The following DPP10 variants were observed in gnomAD, a reference collection of about 807,000 sequenced individuals.
DPP10 encodes the protein dipeptidyl peptidase like 10.
Under a neutral mutation model 120.9 loss-of-function variants are expected in DPP10, and 33 were observed. That is an observed-to-expected ratio of 0.27 (90% CI 0.21 to 0.37). DPP10 has a LOEUF of 0.37. Among genes scored for constraint, DPP10 ranks in the 10% least tolerant of loss-of-function variants. DPP10 has a pLI of 1.00. For synonymous variants in DPP10, 337 were observed against 326.1 expected (o/e 1.03, Z -0.36); for missense variants, 816 against 942.8 (o/e 0.87, Z 1.76).
chr2:115,637,654 C>A (rs991980168), intron 5 of DPP10, among the ~76,000 whole-genome samples: 6 of 152,076 alleles, frequency 3.9e-5, no homozygotes, highest in Non-Finnish European at 5.9e-5. Context: ...AATACTAAAA[C>A]TCTTATTGAA....
intron 1 of DPP10, among the ~76,000 whole-genome samples, chr2:114,654,510 G>A (rs1042285245): frequency 2.0e-5 from 3 of 152,118 alleles, no homozygotes; most frequent in Non-Finnish European, 4.4e-5. Context: ...CAGAAATTCA[G>A]CAATCCCCAA....
intron 1 of DPP10, among the ~76,000 whole-genome samples, chr2:114,720,569 A>G (rs905725205): frequency 6.6e-6 from 1 of 152,226 alleles, no homozygotes; most frequent in Non-Finnish European, 1.5e-5. Context: ...GAAATGCTCA[A>G]TTTGTCTTCT....
At chr2:115,027,645 T>A (rs900019730) in intron 1 of DPP10, among the ~76,000 whole-genome samples, 1 of 152,152 alleles carries the variant, frequency 6.6e-6, no homozygotes, top group Admixed American at 6.6e-5. Context: ...CCTGGCCTTA[T>A]AAAATAAGTT....
At position 114,926,841 on chromosome 2, in the gene DPP10, G is replaced by T. The variant is rs559834399; in HGVS notation, c.61-382398G>T. On this transcript the variant is annotated intron_variant, in intron 1 of 25. Coordinates refer to ENST00000410059, the MANE Select transcript of DPP10 (RefSeq NM_020868.6). ...AATGATTTCCCTTTTGAGCTTGGGG[G>T]AAGATACAATTTTTTTTTTTTTTTT... is the stretch of plus-strand genomic sequence containing the variant. Among the ~76,000 whole-genome samples the T allele has an allele frequency of 7.8e-5, 11 of 140,152 alleles. 1 individual carries two copies. In the South Asian group the frequency reaches 2.4e-3, roughly 30 times the overall value. The allele number at this position is 140,152 out of a possible 152,430, so 91.9% of individuals were successfully genotyped here.
intron 3 of DPP10, among the ~76,000 whole-genome samples, chr2:115,378,248 C>A (rs1011409529): frequency 6.6e-6 from 1 of 151,770 alleles, no homozygotes; most frequent in African/African-American, 2.4e-5. Flanking sequence ...GTTTGTAGTT[C>A]TCCTTGAAGA....
chr2:114,543,592 G>C (rs1430520985), intron 1 of DPP10, among the ~76,000 whole-genome samples: 2 of 152,110 alleles, frequency 1.3e-5, no homozygotes, highest in Non-Finnish European at 2.9e-5. Flanking sequence ...TGGGCTGTGG[G>C]AGCAGGAAGC....
At chr2:115,824,136 G>GAT (rs1449355528) in intron 21 of DPP10, among the ~76,000 whole-genome samples, 2 of 151,774 alleles carry the variant, frequency 1.3e-5, no homozygotes, top group Non-Finnish European at 2.9e-5. Flanking sequence ...ACATCATACT[G>GAT]ATATATATAC....
intron 1 of DPP10, among the ~76,000 whole-genome samples, chr2:114,741,099 A>T (rs757011154): frequency 6.6e-6 from 1 of 152,172 alleles, no homozygotes; most frequent in Non-Finnish European, 1.5e-5. Flanking sequence ...GTTATAAAGA[A>T]CTTGAAGCTC....
intron 5 of DPP10, among the ~76,000 whole-genome samples, chr2:115,569,686 T>C (rs1010776550): frequency 6.6e-6 from 1 of 152,208 alleles, no homozygotes; most frequent in Non-Finnish European, 1.5e-5. Flanking sequence ...GACACAATTA[T>C]ATCAGGCATG....
At chr2:115,284,565 G>A (rs2060288883) in intron 1 of DPP10, among the ~76,000 whole-genome samples, 1 of 151,986 alleles carries the variant, frequency 6.6e-6, no homozygotes, top group Admixed American at 6.6e-5. Flanking sequence ...AACAGGACAA[G>A]ACTAGCTTTT....
At chr2:114,942,166 G>T (rs1039276216) in intron 1 of DPP10, among the ~76,000 whole-genome samples, 1 of 150,426 alleles carries the variant, frequency 6.6e-6, no homozygotes, top group South Asian at 2.1e-4. Flanking sequence ...CCAGCTACTC[G>T]GGAGACTAAA....
rs767627111 is a variant in DPP10 at position 115,753,198 on chromosome 2, A to G, written c.975A>G (p.Lys325=). 1.2e-6 allele frequency: 2 copies of G among 1,611,718 alleles called. No individual in the cohort carries two copies. Among genetic ancestry groups the G allele is most frequent in the Admixed American group, 1.7e-5 (1 of 59,882 alleles). The change falls in exon 11 of 26, where the codon AAA becomes AAG. Residue 325 remains lysine (K), a synonymous_variant. Coordinates refer to ENST00000410059, the MANE Select transcript of DPP10 (RefSeq NM_020868.6). ...GAGAATACTATATCACTATGGTTAA[A>G]TGGGTAAGCAATACCAAGACTGTGG... ...KSREYYITMV[K]WVSNTKTVVR... is the part of the protein sequence containing the mutation.
intron 1 of DPP10, among the ~76,000 whole-genome samples, chr2:114,755,448 C>T (rs1389521926): frequency 6.6e-6 from 1 of 151,948 alleles, no homozygotes; most frequent in Non-Finnish European, 1.5e-5. Context: ...TGTGTGCCAC[C>T]ATATCCGGCA....
intron 1 of DPP10, among the ~76,000 whole-genome samples, chr2:115,106,169 A>C (rs370783070): frequency 3.3e-5 from 5 of 152,196 alleles, no homozygotes; most frequent in African/African-American, 4.8e-5. Flanking sequence ...TCTTCTTGTC[A>C]ATGCCATGTC....
intron 1 of DPP10, among the ~76,000 whole-genome samples, chr2:114,726,254 G>T (rs1313628934): frequency 3.5e-5 from 5 of 142,280 alleles, no homozygotes; most frequent in African/African-American, 1.3e-4. Context: ...AAAAAAAAAA[G>T]TTCTTCCATA....
chr2:114,933,318 A>G (rs1455520006), intron 1 of DPP10, among the ~76,000 whole-genome samples: 2 of 152,236 alleles, frequency 1.3e-5, no homozygotes, highest in East Asian at 3.9e-4. Flanking sequence ...CAACCAGGCA[A>G]CATCAGCCAA....
intron 1 of DPP10, among the ~76,000 whole-genome samples, chr2:115,225,969 T>C (rs1161321106): frequency 6.6e-6 from 1 of 152,170 alleles, no homozygotes; most frequent in Admixed American, 6.6e-5. Flanking sequence ...TATTACTCAC[T>C]AGCAGTATCA....
intron 3 of DPP10, among the ~76,000 whole-genome samples, chr2:115,366,002 G>T (rs1298086540): frequency 6.6e-6 from 1 of 151,776 alleles, no homozygotes; most frequent in Non-Finnish European, 1.5e-5. Context: ...TCTGATTATA[G>T]ATTTATTTTG....
intron 1 of DPP10, among the ~76,000 whole-genome samples, chr2:115,225,712 A>G (rs2057401132): frequency 6.6e-6 from 1 of 152,114 alleles, no homozygotes; most frequent in Admixed American, 6.6e-5. Flanking sequence ...TGTTATAATT[A>G]TAGGTATTCT....
Sources: gnomAD v4.1 joint callset for allele counts (sites outside exome capture counted in the v4.1 genomes callset) on GRCh38, gnomAD v4.1.1 for gene constraint, MANE v1.5 for transcripts, NCBI Gene and HGNC (gene_info 2026-07-23, HGNC 2026-07-21) for gene names.